The following TBCK variants were observed in gnomAD, a reference collection of about 807,000 sequenced individuals.
The protein encoded by TBCK is TBC1 domain containing kinase, also known as TBC domain-containing protein kinase-like protein.
In TBCK, 99 loss-of-function variants were observed where a neutral mutation model predicts 113.4. The ratio of observed to expected loss-of-function variants is 0.87; its 90% CI spans 0.74 to 1.03. The LOEUF (loss-of-function observed/expected upper bound fraction) is 1.03. TBCK is among the 50% of genes least tolerant of loss of function. The pLI, the probability that TBCK is intolerant of heterozygous loss-of-function variation, is 0.00. For synonymous variants in TBCK, 369 were observed against 370.8 expected, an observed-to-expected ratio of 1.00 and a Z score of 0.05; for missense variants, 1,045 against 1,061.3, an observed-to-expected ratio of 0.98 and a Z score of 0.21.
intron 2 of TBCK, among the ~76,000 whole-genome samples, chr4:106,299,000 T>C (rs1473154667): frequency 6.6e-6 from 1 of 152,202 alleles, no homozygotes; most frequent in African/African-American, 2.4e-5. Flanking sequence ...TGATATCTTT[T>C]TTCCTATCAG....
intron 24 of TBCK, among the ~76,000 whole-genome samples, chr4:106,101,826 C>T (rs1016706173): frequency 6.6e-6 from 1 of 152,008 alleles, no homozygotes; most frequent in Non-Finnish European, 1.5e-5. Context: ...ATATGAACTT[C>T]CAAGAAAACT....
intron 23 of TBCK, chr4:106,164,575 A>T (rs1305872699): frequency 6.6e-6 from 1 of 151,890 alleles, no homozygotes; most frequent in Non-Finnish European, 1.5e-5. Flanking sequence ...CATTTACAGT[A>T]CTGATAAAAT....
At chr4:106,224,884 C>T (rs1758070742) in intron 19 of TBCK, among the ~76,000 whole-genome samples, 1 of 152,154 alleles carries the variant, frequency 6.6e-6, no homozygotes. Flanking sequence ...TTTTATGAAA[C>T]CTTTCCAGAA....
At chr4:106,198,293 A>C (rs768877849) in intron 20 of TBCK, among the ~76,000 whole-genome samples, 13 of 152,272 alleles carry the variant, frequency 8.5e-5, no homozygotes, top group Non-Finnish European at 1.2e-4. Context: ...ATGTGGAAAT[A>C]ATATATGTGA....
chr4:106,298,908 A>T (rs1372565649), intron 2 of TBCK, among the ~76,000 whole-genome samples: 1 of 152,212 alleles, frequency 6.6e-6, no homozygotes, highest in Non-Finnish European at 1.5e-5. Context: ...CAGATTCGGT[A>T]CAATCCTCAG....
At chr4:106,120,436 G>A (rs928591035) in intron 23 of TBCK, among the ~76,000 whole-genome samples, 1 of 152,196 alleles carries the variant, frequency 6.6e-6, no homozygotes, top group Admixed American at 6.5e-5. Flanking sequence ...CAAAGCAGCT[G>A]GGAAGCTTGA....
chr4:106,112,331 T>C (rs1274778091), intron 24 of TBCK, among the ~76,000 whole-genome samples: 1 of 152,196 alleles, frequency 6.6e-6, no homozygotes, highest in Non-Finnish European at 1.5e-5. Context: ...GAGCATGCCC[T>C]TCCTGCTGAC....
intron 25 of TBCK, among the ~76,000 whole-genome samples, chr4:106,086,582 T>C (rs888263816): frequency 1.3e-5 from 2 of 152,224 alleles, no homozygotes; most frequent in Non-Finnish European, 2.9e-5. Flanking sequence ...ACTAATTTTA[T>C]GAAGCCAGCA....
chr4:106,174,629 T>A (rs1308958224), intron 22 of TBCK, among the ~76,000 whole-genome samples: 1 of 152,146 alleles, frequency 6.6e-6, no homozygotes, highest in Non-Finnish European at 1.5e-5. Context: ...ACAAAAAGTA[T>A]GTTTTTGATG....
intron 23 of TBCK, among the ~76,000 whole-genome samples, chr4:106,122,381 C>T (rs1744531355): frequency 6.6e-6 from 1 of 152,050 alleles, no homozygotes; most frequent in Admixed American, 6.5e-5. Context: ...TGGCAATAAT[C>T]AATAGTTTAC....
At chr4:106,308,630 G>C (rs1767801141) in intron 2 of TBCK, 138 bp downstream of exon 2, 5 of 763,780 alleles carry the variant, frequency 6.5e-6, no homozygotes, top group Non-Finnish European at 8.1e-6. Flanking sequence ...GAGGCAGGGT[G>C]GGGGAAAAGG....
chr4:106,248,836 T>A, intron 8 of TBCK, 85 bp downstream of exon 8: 1 of 1,123,926 alleles, frequency 8.9e-7, no homozygotes, highest in East Asian at 2.5e-5. Flanking sequence ...TGTGGAAAAA[T>A]AAATTTTTGT....
chr4:106,276,844 A>G (rs1764078263), intron 3 of TBCK, among the ~76,000 whole-genome samples: 1 of 152,044 alleles, frequency 6.6e-6, no homozygotes, highest in Non-Finnish European at 1.5e-5. Context: ...TTCCAGGCAC[A>G]CTCCAGCCTG....
chr4:106,233,210 A>AT, intron 16 of TBCK, 146 bp from the exon 17 acceptor site: 1 of 739,650 alleles, frequency 1.4e-6, no homozygotes, highest in South Asian at 2.1e-5. Context: ...AATTTTTTGA[A>AT]TTTTTTAATT....
rs541653437 is a variant in TBCK at position 106,072,502 on chromosome 4, A to AATCT, written c.2571+22976_2571+22979dup. ...ATGGGCTTCCCTTTGTGGGTAACCC[A>AATCT]ATCTTTCTCTCTGGTGCCTGTTAAC... On this transcript the variant is annotated intron_variant, in intron 25 of 25. Transcript: ENST00000394708. Among the ~76,000 whole-genome samples, 8 of 152,220 alleles carry AATCT rather than the reference A, an allele frequency of 5.3e-5. 1 individual carries two copies. In the South Asian group the frequency reaches 1.2e-3, roughly 24 times the overall value.
chr4:106,198,253 C>G (rs938873561), intron 20 of TBCK, among the ~76,000 whole-genome samples: 3 of 152,096 alleles, frequency 2.0e-5, no homozygotes, highest in Non-Finnish European at 4.4e-5. Flanking sequence ...AAACTAATGT[C>G]TGTCTTAACT....
At chr4:106,120,270 C>T (rs1228792354) in intron 23 of TBCK, among the ~76,000 whole-genome samples, 8 of 152,178 alleles carry the variant, frequency 5.3e-5, no homozygotes, top group East Asian at 3.9e-4. Context: ...CCTTAAAAAA[C>T]GGCGCACCAC....
chr4:106,234,384 A>G (rs1668855360), intron 15 of TBCK, among the ~76,000 whole-genome samples: 1 of 152,178 alleles, frequency 6.6e-6, no homozygotes, highest in African/African-American at 2.4e-5. Context: ...CAAGGGAATC[A>G]GGAATGAAGA....
At chr4:106,238,832 G>A (rs927207896) in intron 12 of TBCK, 3 of 152,156 alleles carry the variant, frequency 2.0e-5, no homozygotes, top group Non-Finnish European at 4.4e-5. Flanking sequence ...CAGAGCCACT[G>A]CTGGAGTCTG....
Sources: gnomAD v4.1 joint callset for allele counts (sites outside exome capture counted in the v4.1 genomes callset) on GRCh38, gnomAD v4.1.1 for gene constraint, MANE v1.5 for transcripts, NCBI Gene and HGNC (gene_info 2026-07-23, HGNC 2026-07-21) for gene names.